Variants in LMNB2 observed in about 807,000 individuals in gnomAD.
LMNB2 encodes lamin B2.
A neutral mutation model predicts 69.3 loss-of-function variants in LMNB2; 17 were observed. The ratio of observed to expected loss-of-function variants is 0.25; its 90% confidence interval spans 0.17 to 0.37. The LOEUF is 0.37. Among genes scored for constraint, LMNB2 ranks in the 10% least tolerant of loss-of-function variants. The pLI, the probability that LMNB2 is intolerant of heterozygous loss-of-function variation, is 1.00. For synonymous variants in LMNB2, 397 were observed against 389.3 expected, an observed-to-expected ratio of 1.02 and a Z score of -0.23; for missense variants, 789 against 883.6, an observed-to-expected ratio of 0.89 and a Z score of 1.36.
chr19:2,440,346 A>C lies in LMNB2; in HGVS notation c.402-1815T>G, dbSNP rs1447612130. The stretch of plus-strand genomic sequence containing the variant: ...GCTGAGATTACAGGCAAGTGCCAGC[A>C]CGCCCAGATAATTTTGTATTTTTAG... On this transcript the variant is annotated intron_variant, in intron 2 of 11. Transcript: ENST00000325327. Among the ~76,000 whole-genome samples, 3 of 151,744 alleles carry C rather than the reference A, an allele frequency of 2.0e-5. No homozygotes were observed. In the East Asian group the frequency reaches 5.8e-4, roughly 30 times the overall value.
chr19:2,432,700 G>A (rs373713461), intron 8 of LMNB2, among the ~76,000 whole-genome samples, 177 bp from the exon 9 acceptor site: 12 of 147,766 alleles, frequency 8.1e-5, no homozygotes, highest in South Asian at 6.4e-4. Context: ...CCTGACCGGC[G>A]GCCCTGTCAC....
chr19:2,448,511 G>A (rs982212140), intron 1 of LMNB2, among the ~76,000 whole-genome samples: 6 of 152,338 alleles, frequency 3.9e-5, no homozygotes, highest in African/African-American at 1.4e-4. Flanking sequence ...ACGCACAGAG[G>A]CATGCTGAGC....
intron 4 of LMNB2, 63 bp downstream of exon 4, chr19:2,438,100 C>A (rs1971849266): frequency 6.2e-7 from 1 of 1,606,424 alleles, no homozygotes; most frequent in African/African-American, 1.3e-5. Flanking sequence ...CCGCCCTCCA[C>A]AGCCATGAGG....
rs763985079 is a variant in LMNB2, at chr19:2,438,242, G to A, written c.605C>T (p.Thr202Met). ...GTTCTCCAGGTCCACACGCATCAGCGTCTCCTTCTCCAGCTGCTTTTTGGC... is the reference window on the plus strand; with the variant it reads ...GTTCTCCAGGTCCACACGCATCAGCATCTCCTTCTCCAGCTGCTTTTTGGC... ...AVAKKQLEKE[T>M]LMRVDLENRC... Residue 202 changes from threonine to methionine, a missense_variant, in exon 4 of 12, where the codon ACG becomes ATG. Physicochemically the swap from Thr to Met is moderately conservative, Grantham distance 81. Coordinates refer to ENST00000325327, the MANE Select transcript of LMNB2 (RefSeq NM_032737.4). 7.4e-6 allele frequency: 12 copies of A among 1,613,942 alleles called. No homozygotes were observed. The highest frequency in any genetic ancestry group is 1.7e-5 in the Admixed American group (1 of 60,006).
intron 1 of LMNB2, among the ~76,000 whole-genome samples, chr19:2,450,330 C>T (rs894218874): frequency 2.0e-5 from 3 of 151,948 alleles, no homozygotes; most frequent in African/African-American, 4.8e-5. Flanking sequence ...CTAAATGTCA[C>T]GTGAGATAGT....
At chr19:2,445,444 T>C (rs1380056451) in intron 1 of LMNB2, among the ~76,000 whole-genome samples, 1 of 152,024 alleles carries the variant, frequency 6.6e-6, no homozygotes, top group Non-Finnish European at 1.5e-5. Flanking sequence ...CAGCTGCCAA[T>C]GTGGTGGCTC....
At position 2,433,953 on chromosome 19, in the gene LMNB2, A is replaced by G; in HGVS notation, c.1355T>C (p.Leu452Pro). 1 of 1,611,866 alleles carries G rather than the reference A, an allele frequency of 6.2e-7. No individual in the cohort carries two copies. Among genetic ancestry groups the G allele is most frequent in the East Asian group, 2.2e-5 (1 of 44,858 alleles). ...ACCGCTGCCACCCGTGCCCGTGCCCAGGACGCTTGGGCCGCTGCCCAAGGG... is the reference window on the plus strand; with the variant it reads ...ACCGCTGCCACCCGTGCCCGTGCCCGGGACGCTTGGGCCGCTGCCCAAGGG... ...EEPLGSGPSV[L>P]GTGTGGSGGF... The change falls in exon 8 of 12, where the codon CTG becomes CCG. Residue 452 changes from leucine (L) to proline (P), a missense_variant. This residue lies in a region of LMNB2 where 609 missense variants were observed against 630.9 expected (regional missense o/e 0.97). Transcript: ENST00000325327.
At position 2,434,414 on chromosome 19, in the gene LMNB2, C is replaced by T. The variant is rs775608708; in HGVS notation, c.1083G>A (p.Thr361=). The T allele has an allele frequency of 3.2e-5, 51 of 1,613,384 alleles. No homozygotes were observed. The highest frequency in any genetic ancestry group is 1.6e-4 in the East Asian group (7 of 44,894). The change falls in exon 7 of 12, where the codon ACG becomes ACA. Residue 361 remains threonine (T), a synonymous_variant. Coordinates refer to ENST00000325327, the MANE Select transcript of LMNB2 (RefSeq NM_032737.4). ...GCTGCTGCATCACGTCCCGCATCTC[C>T]GTCATCTCCTGCTCCTTGGCGTCCA... The part of the protein sequence containing the change: ...KMLDAKEQEM[T]EMRDVMQQQL...
At chr19:2,446,689 G>C (rs1971959968) in intron 1 of LMNB2, among the ~76,000 whole-genome samples, 1 of 152,210 alleles carries the variant, frequency 6.6e-6, no homozygotes, top group African/African-American at 2.4e-5. Context: ...AGAGAAATCG[G>C]AACCTCACAG....
At chr19:2,441,862 G>A (rs1388064090) in intron 2 of LMNB2, among the ~76,000 whole-genome samples, 1 of 152,244 alleles carries the variant, frequency 6.6e-6, no homozygotes, top group African/African-American at 2.4e-5. Context: ...CAAAGGCCCA[G>A]GGGTGAGGTG....
chr19:2,450,837 G>A (rs954670648), intron 1 of LMNB2, among the ~76,000 whole-genome samples: 3 of 150,966 alleles, frequency 2.0e-5, no homozygotes, highest in Non-Finnish European at 4.4e-5. Flanking sequence ...TCACCATGTT[G>A]GCCAGGCTGG....
rs1284742388 is a variant in LMNB2 at position 2,444,508 on chromosome 19, C to T, written c.297G>A (p.Glu99=). 1 of 1,612,604 alleles carries T rather than the reference C, an allele frequency of 6.2e-7. No individual in the cohort carries two copies. The highest frequency in any genetic ancestry group is 1.3e-5 in the African/African-American group (1 of 75,074). Residue 99 remains glutamate (E), a synonymous_variant, in exon 2 of 12, where the codon GAG becomes GAA. Transcript: ENST00000325327. ...VSGIKALYES[E]LADARRVLDE... Reference sequence around the variant, plus strand: ...CCAGGACTCTCCGGGCATCGGCCAGCTCCGACTCGTACAGCGCCTTGATGC... The same window carrying T: ...CCAGGACTCTCCGGGCATCGGCCAGTTCCGACTCGTACAGCGCCTTGATGC...
chr19:2,432,348 C>T lies in LMNB2; in HGVS notation c.1590+68G>A, dbSNP rs911551451. 15 of 1,206,798 alleles carry T rather than the reference C, an allele frequency of 1.2e-5. No individual in the cohort carries two copies. In the Admixed American group the frequency reaches 2.0e-4, roughly 16 times the overall value. 74.8% of individuals were successfully genotyped at this position (1,206,798 alleles called of 1,614,324 possible). Reference sequence around the variant, plus strand: ...CACCCACCCCCGCCAAGTCCTGTGCCTCCAGTCCCCTGACCCCACCTCACA... The same window carrying T: ...CACCCACCCCCGCCAAGTCCTGTGCTTCCAGTCCCCTGACCCCACCTCACA... On this transcript the variant is annotated intron_variant, in intron 9 of 11. Coordinates refer to ENST00000325327, the MANE Select transcript of LMNB2 (RefSeq NM_032737.4).
rs77983005 is a variant in LMNB2, at chr19:2,448,459, G to A, written c.265-3919C>T. Among the ~76,000 whole-genome samples the A allele has an allele frequency of 2.1e-3, 315 of 152,294 alleles. 2 individuals are homozygous for A. The highest frequency in any genetic ancestry group is 7.2e-3 in the African/African-American group (300 of 41,558). ...TCAGCGCCGGGACACACAGGAGCCC[G>A]TTCAAGGTGAGAAAAAACAGCAACT... On this transcript the variant is annotated intron_variant, in intron 1 of 11. Coordinates refer to ENST00000325327, the MANE Select transcript of LMNB2 (RefSeq NM_032737.4).
chr19:2,432,328 AC>A, intron 9 of LMNB2, 87 bp downstream of exon 9: 2 of 384,252 alleles, frequency 5.2e-6, no homozygotes, highest in East Asian at 4.6e-5. Context: ...ATCCCCACCC[AC>A]CCCCGCCAAG....
chr19:2,456,751 G>A lies in LMNB2; in HGVS notation c.183C>T (p.Ile61=), dbSNP rs1316569316. Residue 61 remains isoleucine, a synonymous_variant, in exon 1 of 12, where the codon ATC becomes ATT. Transcript: ENST00000325327. ...RELNDRLAHY[I]DRVRALELEN... is the part of the protein sequence containing the mutation. ...CCAGCTCCAGCGCGCGGACGCGGTC[G>A]ATGTAGTGCGCCAGGCGGTCGTTGA... is the stretch of plus-strand genomic sequence containing the variant. 1.9e-6 allele frequency: 3 copies of A among 1,560,574 alleles called. No homozygotes were observed. The highest frequency in any genetic ancestry group is 2.6e-6 in the Non-Finnish European group (3 of 1,153,728).
Position 2,447,239 on chromosome 19 carries a change from C to T in LMNB2, c.265-2699G>A, listed in dbSNP as rs544705385. On this transcript the variant is annotated intron_variant, in intron 1 of 11. Coordinates refer to ENST00000325327, the MANE Select transcript of LMNB2 (RefSeq NM_032737.4). The surrounding 1 kb of genome is among the most constrained non-coding windows in gnomAD (Gnocchi z 4.4). ...CACCATCCACACACAGGAACATGAC[C>T]CAGCTGTGTAACGGAGCAAGGTTCT... is the stretch of plus-strand genomic sequence containing the variant. Among the ~76,000 whole-genome samples, 2 of 152,012 alleles carry T rather than the reference C, an allele frequency of 1.3e-5. No homozygotes were observed. The highest frequency in any genetic ancestry group is 4.1e-4 in the South Asian group (2 of 4,824).
chr19:2,435,628 A>C (rs899829809), intron 4 of LMNB2, among the ~76,000 whole-genome samples: 2 of 152,154 alleles, frequency 1.3e-5, no homozygotes, highest in African/African-American at 2.4e-5. Flanking sequence ...AACCCTGTGG[A>C]GATCCTGCCA....
intron 6 of LMNB2, 42 bp downstream of exon 6, chr19:2,434,746 T>C: frequency 6.3e-7 from 1 of 1,577,812 alleles, no homozygotes; most frequent in Non-Finnish European, 8.6e-7. Flanking sequence ...GGCCCAGAAG[T>C]TGGGCCAGGG....
Sources: gnomAD v4.1 joint callset for allele counts (sites outside exome capture counted in the v4.1 genomes callset) on GRCh38, gnomAD v4.1.1 for gene constraint, gnomAD v4.1.1 regional missense constraint, Gnocchi (gnomAD v3.1) non-coding constraint, MANE v1.5 for transcripts, NCBI Gene and HGNC (gene_info 2026-07-23, HGNC 2026-07-21) for gene names.